The following LYPD6B variants were observed in gnomAD, a reference collection of about 807,000 sequenced individuals.
LYPD6B encodes the protein LY6/PLAUR domain containing 6B, also known as ly6/PLAUR domain-containing protein 6B.
LYPD6B carries 17 observed loss-of-function variants against 22.8 expected under a neutral mutation model. That is an observed-to-expected ratio of 0.75 (90% CI 0.51 to 1.12). The LOEUF is 1.12. Ranked by LOEUF, LYPD6B falls within the 50% of genes most tolerant of loss-of-function variation. The pLI is 0.00. For missense variants in LYPD6B, 221 were observed against 258.3 expected (o/e 0.86, Z 0.99); for synonymous variants, 106 against 91.6 (o/e 1.16, Z -0.90).
At chr2:149,107,733 A>G (rs1039173314) in intron 1 of LYPD6B, among the ~76,000 whole-genome samples, 3 of 152,150 alleles carry the variant, frequency 2.0e-5, no homozygotes, top group African/African-American at 7.2e-5. Context: ...CAAAGAACAT[A>G]TTTTCTATGA....
At chr2:149,130,484 A>T (rs985185553) in intron 1 of LYPD6B, among the ~76,000 whole-genome samples, 7 of 152,148 alleles carry the variant, frequency 4.6e-5, no homozygotes, top group African/African-American at 1.7e-4. Context: ...TTATACCTGG[A>T]GGTAAAGTTG....
chr2:149,212,961 T>G, intron 5 of LYPD6B, 31 bp from the exon 6 acceptor site: 1 of 1,605,556 alleles, frequency 6.2e-7, no homozygotes, highest in Non-Finnish European at 8.5e-7. Flanking sequence ...ACCTTGTTTC[T>G]TGGTTTTGTT....
At chr2:149,135,714 T>TCC (rs1688321138) in intron 2 of LYPD6B, among the ~76,000 whole-genome samples, 1 of 101,206 alleles carries the variant, frequency 9.9e-6, no homozygotes. Flanking sequence ...AGGGAGACCA[T>TCC]GTCTCAAAAA....
intron 2 of LYPD6B, among the ~76,000 whole-genome samples, chr2:149,153,873 C>G (rs1689531103): frequency 6.6e-6 from 1 of 152,012 alleles, no homozygotes; most frequent in Admixed American, 6.6e-5. Context: ...AAAGAGAGGA[C>G]AGACATGATA....
At chr2:149,064,360 C>G (rs1252039094) in intron 1 of LYPD6B, among the ~76,000 whole-genome samples, 1 of 152,170 alleles carries the variant, frequency 6.6e-6, no homozygotes, top group African/African-American at 2.4e-5. Context: ...CCGCTTTTAT[C>G]AACAGTTTTA....
At chr2:149,041,531 G>T (rs1683088724) in intron 1 of LYPD6B, among the ~76,000 whole-genome samples, 1 of 152,188 alleles carries the variant, frequency 6.6e-6, no homozygotes, top group African/African-American at 2.4e-5. Context: ...TGTAGGAGGG[G>T]CTCACCTACC....
chr2:149,189,367 T>TATATATATATATATATATACAC (rs1290881582), intron 3 of LYPD6B, among the ~76,000 whole-genome samples: 1 of 81,060 alleles, frequency 1.2e-5, no homozygotes, highest in African/African-American at 4.1e-5. Flanking sequence ...TATATATATA[T>TATATATATATATATATATACAC]ACACACACAT....
chr2:149,142,694 G>A (rs1173356804), intron 2 of LYPD6B, among the ~76,000 whole-genome samples: 1 of 152,038 alleles, frequency 6.6e-6, no homozygotes, highest in Non-Finnish European at 1.5e-5. Context: ...TTTAGAGACA[G>A]GGTCTCACTA....
At chr2:149,110,494 C>T (rs1686704562) in intron 1 of LYPD6B, among the ~76,000 whole-genome samples, 1 of 152,068 alleles carries the variant, frequency 6.6e-6, no homozygotes. Flanking sequence ...TCTTGACATT[C>T]TTTTAATGTT....
chr2:149,160,874 A>T lies in LYPD6B; in HGVS notation c.77+39A>T, dbSNP rs757197934. On this transcript the variant is annotated intron_variant, in intron 3 of 6. Transcript: ENST00000409642. ...CTGTTACAACAGCCCTCGGCTTTTC[A>T]TTTGGGAGCTCTGGTTAAGTTGTTG... 4 of 1,423,310 alleles carry T rather than the reference A, an allele frequency of 2.8e-6. No individual in the cohort carries two copies. The South Asian group carries it at 4.9e-5, about 17-fold the overall frequency. 88.2% of individuals were successfully genotyped at this position (1,423,310 alleles called of 1,614,324 possible).
chr2:149,096,833 G>T (rs185895834), intron 1 of LYPD6B, among the ~76,000 whole-genome samples: 2 of 152,236 alleles, frequency 1.3e-5, no homozygotes, highest in Admixed American at 1.3e-4. Flanking sequence ...ATGTTTTAGA[G>T]CTCAAGATGA....
At chr2:149,184,084 C>T (rs369977902) in intron 3 of LYPD6B, among the ~76,000 whole-genome samples, 492 of 151,824 alleles carry the variant, frequency 3.2e-3, no homozygotes, top group African/African-American at 0.011. Context: ...CCCAGCTACT[C>T]GGGAGGCTGA....
rs531326426 is a variant in LYPD6B at position 149,208,819 on chromosome 2, C to T, written c.328+407C>T. On this transcript the variant is annotated intron_variant, in intron 5 of 6. Transcript: ENST00000409642. ...GTTTGTTTAGTTTACAGATATATCC[C>T]AGTGCCTAATCCAGTGCCTGGCCCA... is the stretch of plus-strand genomic sequence containing the variant. 5.9e-5 allele frequency among the ~76,000 whole-genome samples: 9 copies of T among 152,246 alleles called. No individual in the cohort carries two copies. In the South Asian group the frequency reaches 1.9e-3, roughly 32 times the overall value.
chr2:149,081,164 A>G (rs1486241026), intron 1 of LYPD6B, among the ~76,000 whole-genome samples: 2 of 152,174 alleles, frequency 1.3e-5, no homozygotes, highest in African/African-American at 4.8e-5. Flanking sequence ...CAGATAGAAG[A>G]CATAATAGAA....
chr2:149,143,990 T>A (rs551779178), intron 2 of LYPD6B: 1 of 152,380 alleles, frequency 6.6e-6, no homozygotes, highest in Non-Finnish European at 1.5e-5. Context: ...AGAGATGAGA[T>A]GAGATCAGTT....
At chr2:149,080,191 G>C (rs28694152) in intron 1 of LYPD6B, among the ~76,000 whole-genome samples, 7,526 of 152,238 alleles carry the variant, frequency 0.049, 445 homozygotes, top group African/African-American at 0.14. Flanking sequence ...ACTGTTCCAG[G>C]CCTCTCTCCT....
At chr2:149,161,771 T>C (rs1187009114) in intron 3 of LYPD6B, among the ~76,000 whole-genome samples, 3 of 152,234 alleles carry the variant, frequency 2.0e-5, no homozygotes, top group Non-Finnish European at 4.4e-5. Flanking sequence ...GCCATGTTTA[T>C]GTTCCTGTTT....
intron 1 of LYPD6B, among the ~76,000 whole-genome samples, chr2:149,045,127 A>C (rs942983366): frequency 6.6e-6 from 1 of 151,998 alleles, no homozygotes; most frequent in African/African-American, 2.4e-5. Context: ...CAGATTATCT[A>C]TTTCTTCTTG....
At chr2:149,207,865 A>G (rs957038695) in intron 4 of LYPD6B, among the ~76,000 whole-genome samples, 4 of 152,076 alleles carry the variant, frequency 2.6e-5, no homozygotes, top group Non-Finnish European at 5.9e-5. Flanking sequence ...TAATATAAAT[A>G]TTATTATATC....
Sources: gnomAD v4.1 joint callset for allele counts (sites outside exome capture counted in the v4.1 genomes callset) on GRCh38, gnomAD v4.1.1 for gene constraint, MANE v1.5 for transcripts, NCBI Gene and HGNC (gene_info 2026-07-23, HGNC 2026-07-21) for gene names.